Variants in ABHD5 observed in about 807,000 individuals in gnomAD.
ABHD5 encodes the protein abhydrolase domain containing 5, lysophosphatidic acid acyltransferase.
Under a neutral mutation model 44.9 loss-of-function variants are expected in ABHD5, and 30 were observed. The ratio of observed to expected loss-of-function variants is 0.67; its 90% CI spans 0.50 to 0.91. The LOEUF is 0.91. Ranked by LOEUF, ABHD5 falls within the 40% of genes least tolerant of loss-of-function variation. ABHD5 has a pLI of 0.00. For synonymous variants in ABHD5, 167 were observed against 147.0 expected (o/e 1.14, Z -0.99); for missense variants, 399 against 423.4 (o/e 0.94, Z 0.50).
At chr3:43,692,847 G>A (rs984426979) in intron 1 of ABHD5, among the ~76,000 whole-genome samples, 2 of 152,196 alleles carry the variant, frequency 1.3e-5, no homozygotes, top group Admixed American at 6.5e-5. Context: ...CATGTGGGAT[G>A]TTTGGCTCTT....
At chr3:43,699,572 A>G in intron 2 of ABHD5, 1 of 536,324 alleles carries the variant, frequency 1.9e-6, no homozygotes, top group Non-Finnish European at 3.4e-6. Flanking sequence ...GGCCCCTGTT[A>G]TACTCTTAAA....
At chr3:43,730,422 T>C (rs879502119) in intron 7 of ABHD5, among the ~76,000 whole-genome samples, 3 of 152,194 alleles carry the variant, frequency 2.0e-5, no homozygotes, top group African/African-American at 7.2e-5. Flanking sequence ...TGGATCTGTC[T>C]TCCATCTAAT....
intron 1 of ABHD5, among the ~76,000 whole-genome samples, chr3:43,698,964 G>A (rs1204895165): frequency 6.6e-6 from 1 of 152,182 alleles, no homozygotes; most frequent in Non-Finnish European, 1.5e-5. Flanking sequence ...CTGTCTTGCA[G>A]TGGGGAGGAA....
chr3:43,713,322 CAAAAAAA>C (rs78532050), intron 4 of ABHD5, among the ~76,000 whole-genome samples: 3 of 46,892 alleles, frequency 6.4e-5, no homozygotes, highest in South Asian at 6.2e-4. Flanking sequence ...GACCCTGTCT[CAAAAAAA>C]AAAAAAAAAA....
At chr3:43,697,389 T>C (rs185231840) in intron 1 of ABHD5, among the ~76,000 whole-genome samples, 2 of 152,270 alleles carry the variant, frequency 1.3e-5, no homozygotes, top group Admixed American at 1.3e-4. Context: ...AATTGTGATA[T>C]GGTTCGAGGG....
intron 1 of ABHD5, among the ~76,000 whole-genome samples, chr3:43,693,714 T>C (rs2084432252): frequency 6.6e-6 from 1 of 151,634 alleles, no homozygotes; most frequent in African/African-American, 2.4e-5. Flanking sequence ...TTATCTTACC[T>C]TACCTGACCA....
intron 1 of ABHD5, 36 bp downstream of exon 1, chr3:43,691,075 G>A: frequency 1.3e-6 from 2 of 1,515,074 alleles, no homozygotes; most frequent in East Asian, 5.4e-5. Context: ...GTGTGTCTCC[G>A]GCGCGCACCC....
chr3:43,719,936 T>C lies in ABHD5; in HGVS notation c.*1404T>C, dbSNP rs1281311005. 1.3e-5 allele frequency: 2 copies of C among 152,206 alleles called. No individual in the cohort carries two copies. The highest frequency in any genetic ancestry group is 2.9e-5 in the Non-Finnish European group (2 of 68,032). The allele number at this position is 152,206 out of a possible 1,614,324, so 9.4% of individuals were successfully genotyped here. On this transcript the variant is annotated 3_prime_UTR_variant, in exon 7 of 7. Coordinates refer to ENST00000644371, the MANE Select transcript of ABHD5 (RefSeq NM_016006.6). ...AATGGTTAATTAGGGAATTTGTAGT[T>C]GTTAGGAAATGTAAGGTTGTGTCAC...
rs116336290 is a variant in ABHD5 at position 43,730,547 on chromosome 3, C to T, written c.*30-3333C>T. 4.9e-3 allele frequency among the ~76,000 whole-genome samples: 656 copies of T among 132,934 alleles called. 6 individuals are homozygous for T. The highest frequency in any genetic ancestry group is 0.018 in the African/African-American group (620 of 34,630). 87.2% of individuals were successfully genotyped at this position (132,934 alleles called of 152,430 possible). On this transcript the variant is annotated intron_variant, in intron 7 of 7. Transcript: ENST00000454293. Reference sequence around the variant, plus strand: ...TTGAGACGGGATCTTCCCCTGTCTCCGAGGCTGGAATACGGTGGTGCGATC... The same window carrying T: ...TTGAGACGGGATCTTCCCCTGTCTCTGAGGCTGGAATACGGTGGTGCGATC...
intron 2 of ABHD5, chr3:43,701,970 C>A: frequency 2.3e-6 from 1 of 436,162 alleles, no homozygotes; most frequent in Non-Finnish European, 4.1e-6. Context: ...TATGACTTGC[C>A]AAAGACCTTG....
At chr3:43,725,359 A>G (rs1228543027), downstream of ABHD5, among the ~76,000 whole-genome samples, 1 of 152,166 alleles carries the variant, frequency 6.6e-6, no homozygotes, top group Non-Finnish European at 1.5e-5. Context: ...AAAATGTTAT[A>G]TTAAGTTAGA....
In ABHD5 at chr3:43,714,964, CG is replaced by C. The variant is rs2084742998; in HGVS notation, c.680del (p.Arg227LeufsTer2). On this transcript the variant is annotated frameshift_variant, in exon 5 of 7. Transcript: ENST00000644371. LOFTEE classifies it high-confidence loss of function. ...TTAAATAGGTTTAAGTCTAGTGCAG[CG>C]TTTAAGGCCTGATTTCAAACGAAAG... ...AGPFGLSLVQ[R>X]LRPDFKRKYS... 1 of 1,612,372 alleles carries C rather than the reference CG, an allele frequency of 6.2e-7. No homozygotes were observed. Among genetic ancestry groups the C allele is most frequent in the African/African-American group, 1.3e-5 (1 of 74,740 alleles).
chr3:43,701,996 AGGTTTG>A, intron 2 of ABHD5: 1 of 495,698 alleles, frequency 2.0e-6, no homozygotes. Context: ...AGGTTACTTG[AGGTTTG>A]TCTGAGGTAG....
At chr3:43,698,440 C>T (rs1260426560) in intron 1 of ABHD5, among the ~76,000 whole-genome samples, 1 of 152,156 alleles carries the variant, frequency 6.6e-6, no homozygotes, top group African/African-American at 2.4e-5. Flanking sequence ...TGCTAACTGT[C>T]AAATGACTAC....
chr3:43,700,182 A>C (rs775955154), intron 2 of ABHD5, among the ~76,000 whole-genome samples: 1 of 152,238 alleles, frequency 6.6e-6, no homozygotes, highest in Non-Finnish European at 1.5e-5. Flanking sequence ...TAGGATTCTT[A>C]TAAAATGAAT....
At chr3:43,717,092 AC>A (rs1320106888) in intron 5 of ABHD5, among the ~76,000 whole-genome samples, 1 of 151,484 alleles carries the variant, frequency 6.6e-6, no homozygotes, top group Non-Finnish European at 1.5e-5. Context: ...AATTGCTTGA[AC>A]CCGGGAGGCA....
At chr3:43,693,892 C>T (rs2084435476) in intron 1 of ABHD5, among the ~76,000 whole-genome samples, 5 of 151,854 alleles carry the variant, frequency 3.3e-5, no homozygotes, top group Admixed American at 3.3e-4. Flanking sequence ...CTTTCTGGAG[C>T]CCTCTTCTGT....
intron 1 of ABHD5, among the ~76,000 whole-genome samples, chr3:43,698,797 T>C (rs1174279488): frequency 6.6e-6 from 1 of 152,208 alleles, no homozygotes; most frequent in African/African-American, 2.4e-5. Context: ...ATTTGAAGCC[T>C]TCTTTTTCCC....
intron 3 of ABHD5, among the ~76,000 whole-genome samples, chr3:43,706,907 C>T (rs542188267): frequency 1.8e-4 from 27 of 152,260 alleles, no homozygotes; most frequent in African/African-American, 6.5e-4. Context: ...GTGTTCCAAG[C>T]CATAACTACT....
Sources: allele counts gnomAD v4.1 joint callset (sites outside exome capture counted in the v4.1 genomes callset), GRCh38; gene constraint gnomAD v4.1.1; transcripts MANE v1.5; gene names NCBI Gene and HGNC (gene_info 2026-07-23, HGNC 2026-07-21).